The following C1QTNF3 variants were observed in gnomAD, a reference collection of about 807,000 sequenced individuals.
C1QTNF3 encodes the protein complement C1q tumor necrosis factor-related protein 3.
A neutral mutation model predicts 32.6 loss-of-function variants in C1QTNF3; 26 were observed. That is an observed-to-expected ratio of 0.80 (90% confidence interval 0.58 to 1.11). The LOEUF (loss-of-function observed/expected upper bound fraction) is 1.11. Ranked by LOEUF, C1QTNF3 falls within the 50% of genes least tolerant of loss-of-function variation. C1QTNF3 has a pLI of 0.00. For missense variants in C1QTNF3, 362 were observed against 398.2 expected, an observed-to-expected ratio of 0.91 and a Z score of 0.77; for synonymous variants, 155 against 146.0, an observed-to-expected ratio of 1.06 and a Z score of -0.44.
chr5:34,118,643 AAAT>A, the C1QTNF3 span, among the ~76,000 whole-genome samples: 1 of 151,496 alleles, frequency 6.6e-6, no homozygotes, highest in African/African-American at 2.4e-5. Context: ...TTCTAGTTGG[AAAT>A]TCACTGTTAA....
chr5:34,114,119 A>G, the C1QTNF3 span, among the ~76,000 whole-genome samples: 1 of 152,224 alleles, frequency 6.6e-6, no homozygotes, highest in Admixed American at 6.5e-5. Context: ...AATCATCTTT[A>G]AATGGGTCAT....
chr5:34,094,192 T>C, the C1QTNF3 span, among the ~76,000 whole-genome samples: 2 of 152,198 alleles, frequency 1.3e-5, no homozygotes, highest in African/African-American at 2.4e-5. Context: ...CTCTATCTTT[T>C]AACATGCTAG....
chr5:34,079,181 C>G, the C1QTNF3 span, among the ~76,000 whole-genome samples: 4 of 151,442 alleles, frequency 2.6e-5, no homozygotes, highest in Non-Finnish European at 5.9e-5. Context: ...AAACTAGGAG[C>G]TAATGGGGTC....
the C1QTNF3 span, among the ~76,000 whole-genome samples, chr5:34,171,852 T>C: frequency 1.3e-5 from 2 of 152,216 alleles, no homozygotes; most frequent in Admixed American, 6.5e-5. Flanking sequence ...GTGCCAGTAA[T>C]AGAACCCAGA....
At chr5:34,037,439 A>G (rs1046474668) in intron 1 of C1QTNF3, among the ~76,000 whole-genome samples, 5 of 152,262 alleles carry the variant, frequency 3.3e-5, no homozygotes, top group Non-Finnish European at 7.3e-5. Context: ...ACACAGTTAA[A>G]CACTTAGACC....
chr5:34,039,582 G>T (rs1754819130), intron 1 of C1QTNF3, among the ~76,000 whole-genome samples: 1 of 152,138 alleles, frequency 6.6e-6, no homozygotes, highest in African/African-American at 2.4e-5. Flanking sequence ...ACGTGGAAGG[G>T]TGTGTAAGCA....
the C1QTNF3 span, among the ~76,000 whole-genome samples, chr5:34,078,958 C>T: frequency 6.6e-6 from 1 of 151,576 alleles, no homozygotes; most frequent in Non-Finnish European, 1.5e-5. The surrounding 1 kb of genome is among the most constrained non-coding windows in gnomAD (Gnocchi z 4.0). Context: ...AAACAAATGG[C>T]CCTTTTCCAT....
chr5:34,147,718 T>A, the C1QTNF3 span, among the ~76,000 whole-genome samples: 1 of 152,160 alleles, frequency 6.6e-6, no homozygotes, highest in African/African-American at 2.4e-5. Context: ...TCATGTACTA[T>A]GCTTACTACC....
At chr5:34,203,900 T>C in the C1QTNF3 span, among the ~76,000 whole-genome samples, 1 of 151,342 alleles carries the variant, frequency 6.6e-6, no homozygotes, top group East Asian at 1.9e-4. Flanking sequence ...AGAACTTAAA[T>C]CTAAAACAGT....
intron 5 of C1QTNF3, among the ~76,000 whole-genome samples, chr5:34,023,254 C>T (rs1209540353): frequency 6.6e-6 from 1 of 152,200 alleles, no homozygotes; most frequent in Non-Finnish European, 1.5e-5. Context: ...TCTCCTACAA[C>T]CCCTCATTCT....
At chr5:34,236,377 C>T in the C1QTNF3 span, among the ~76,000 whole-genome samples, 8 of 133,350 alleles carry the variant, frequency 6.0e-5, no homozygotes, top group African/African-American at 1.5e-4. Flanking sequence ...GGCAACAGAG[C>T]GAGACTCCAT....
the C1QTNF3 span, among the ~76,000 whole-genome samples, chr5:34,122,069 C>A: frequency 6.6e-6 from 1 of 152,194 alleles, no homozygotes; most frequent in Non-Finnish European, 1.5e-5. Flanking sequence ...TACAGCAATT[C>A]AAACAGACTA....
the C1QTNF3 span, among the ~76,000 whole-genome samples, chr5:34,197,764 A>C: frequency 1.3e-5 from 2 of 152,044 alleles, no homozygotes; most frequent in African/African-American, 4.8e-5. Context: ...TACCATAGAC[A>C]GGGTAGCTTA....
the C1QTNF3 span, among the ~76,000 whole-genome samples, chr5:34,063,297 CCT>C: frequency 0.01 from 1,523 of 150,128 alleles, 24 homozygotes; most frequent in African/African-American, 0.036. Context: ...CCCTCTCTCT[CCT>C]CTCTCTCTCA....
intron 2 of C1QTNF3, among the ~76,000 whole-genome samples, chr5:34,034,975 C>T (rs1166971642): frequency 6.6e-6 from 1 of 152,126 alleles, no homozygotes; most frequent in African/African-American, 2.4e-5. Flanking sequence ...TTTGGCCAGA[C>T]CCTGAGATGA....
At chr5:34,142,284 T>C in the C1QTNF3 span, among the ~76,000 whole-genome samples, 7 of 151,976 alleles carry the variant, frequency 4.6e-5, no homozygotes, top group Admixed American at 4.6e-4. Context: ...CACAAAAAAT[T>C]AGCTGAGCAT....
At chr5:34,066,229 C>T in the C1QTNF3 span, among the ~76,000 whole-genome samples, 1 of 152,122 alleles carries the variant, frequency 6.6e-6, no homozygotes, top group Non-Finnish European at 1.5e-5. Flanking sequence ...TTGCTGGTGC[C>T]AGCTGCAACC....
the C1QTNF3 span, among the ~76,000 whole-genome samples, chr5:34,213,817 T>TC: frequency 2.0e-4 from 1 of 4,900 alleles, no homozygotes; most frequent in Admixed American, 9.6e-3. Flanking sequence ...ATATTTTTTT[T>TC]TTTTTGTGTG....
At chr5:34,199,979 G>C in the C1QTNF3 span, 1 of 151,886 alleles carries the variant, frequency 6.6e-6, no homozygotes, top group African/African-American at 2.4e-5. Flanking sequence ...CCCTGTTCTT[G>C]AAACATTCCA....
Sources: allele counts gnomAD v4.1 joint callset (sites outside exome capture counted in the v4.1 genomes callset), GRCh38; gene constraint gnomAD v4.1.1; non-coding constraint Gnocchi (gnomAD v3.1); transcripts MANE v1.5; gene names NCBI Gene and HGNC (gene_info 2026-07-23, HGNC 2026-07-21).